PLXDC1: variants seen among roughly 807,000 people sequenced by gnomAD.
The protein encoded by PLXDC1 is plexin domain-containing protein 1.
A neutral mutation model predicts 61.3 loss-of-function variants in PLXDC1; 39 were observed. The ratio of observed to expected loss-of-function variants is 0.64; its 90% confidence interval spans 0.49 to 0.83. PLXDC1 has a LOEUF of 0.83. PLXDC1 is among the 40% of genes least tolerant of loss of function. The pLI is 0.00. For missense variants in PLXDC1, 596 were observed against 666.5 expected, an observed-to-expected ratio of 0.89 and a Z score of 1.17; for synonymous variants, 212 against 254.5, an observed-to-expected ratio of 0.83 and a Z score of 1.59.
At chr17:39,115,489 C>A (rs945328740) in intron 2 of PLXDC1, among the ~76,000 whole-genome samples, 1 of 152,228 alleles carries the variant, frequency 6.6e-6, no homozygotes, top group African/African-American at 2.4e-5. Context: ...GACTGCCCTC[C>A]TGGCACACCT....
intron 2 of PLXDC1, among the ~76,000 whole-genome samples, chr17:39,120,734 G>A (rs933328071): frequency 6.0e-5 from 9 of 149,454 alleles, no homozygotes; most frequent in Admixed American, 1.3e-4. Context: ...TGGGATCACA[G>A]GCATATGCCA....
intron 8 of PLXDC1, among the ~76,000 whole-genome samples, chr17:39,085,515 C>T (rs895451120): frequency 3.3e-5 from 5 of 152,158 alleles, no homozygotes; most frequent in Admixed American, 1.3e-4. Flanking sequence ...GTGGAGCTGA[C>T]AGTGAGAGGT....
chr17:39,138,984 GA>G (rs1441054215), intron 2 of PLXDC1, among the ~76,000 whole-genome samples: 1 of 151,978 alleles, frequency 6.6e-6, no homozygotes, highest in Non-Finnish European at 1.5e-5. Context: ...ACACAGGTGC[GA>G]ACCCAGCGTC....
At chr17:39,088,943 G>GAAAAAAAAAAAAAAAAAAAAAAAAA (rs56714275) in intron 7 of PLXDC1, among the ~76,000 whole-genome samples, 1 of 63,914 alleles carries the variant, frequency 1.6e-5, no homozygotes, top group Admixed American at 2.0e-4. Context: ...GAGCAAGACT[G>GAAAAAAAAAAAAAAAAAAAAAAAAA]AAAAAAAAAA....
intron 9 of PLXDC1, chr17:39,080,760 G>A (rs1909527175): frequency 6.6e-6 from 1 of 152,422 alleles, no homozygotes; most frequent in Admixed American, 6.5e-5. Flanking sequence ...CCCAGGTGGA[G>A]TTTCTCTGTG....
intron 2 of PLXDC1, among the ~76,000 whole-genome samples, chr17:39,124,180 T>A (rs1457103344): frequency 6.6e-6 from 1 of 152,244 alleles, no homozygotes; most frequent in East Asian, 1.9e-4. Context: ...AATCGGCATC[T>A]GCCTTTGGAA....
At position 39,086,878 on chromosome 17, in the gene PLXDC1, A is replaced by AAAG. The variant is rs1163327087; in HGVS notation, c.907+726_907+728dup. On this transcript the variant is annotated intron_variant, in intron 8 of 13. Transcript: ENST00000315392. ...CTGTCTCAAAAAAAAAAAAAAAAAA[A>AAAG]AAGAAGAAGAAAAAGAAGAAATGCC... 8.6e-5 allele frequency among the ~76,000 whole-genome samples: 13 copies of AAAG among 150,858 alleles called. No individual in the cohort carries two copies. The East Asian group carries it at 2.0e-3, about 23-fold the overall frequency.
rs11448360 is a variant in PLXDC1, at chr17:39,112,457, CTTTTTTTTTTT to C, written c.256-3077_256-3067del. 7.4e-5 allele frequency among the ~76,000 whole-genome samples: 9 copies of C among 121,114 alleles called. No individual in the cohort carries two copies. In the Admixed American group the frequency reaches 8.7e-4, roughly 12 times the overall value. 79.5% of individuals were successfully genotyped at this position (121,114 alleles called of 152,430 possible). ...ATTCAGCCCATCTTTTTTTTTCTTT[CTTTTTTTTTTT>C]TTTTTTTGAGACGGAGTCTTGCTCT... is the stretch of plus-strand genomic sequence containing the variant. On this transcript the variant is annotated intron_variant, in intron 2 of 13. Coordinates refer to ENST00000315392, the MANE Select transcript of PLXDC1 (RefSeq NM_020405.5).
chr17:39,069,262 C>T (rs1033697314), intron 13 of PLXDC1, among the ~76,000 whole-genome samples: 1 of 152,096 alleles, frequency 6.6e-6, no homozygotes, highest in African/African-American at 2.4e-5. Context: ...CGTGCCACCA[C>T]GCTGGGCTAA....
At chr17:39,079,550 G>A (rs1325330159) in intron 9 of PLXDC1, 1 of 457,786 alleles carries the variant, frequency 2.2e-6, no homozygotes, top group East Asian at 6.9e-5. Flanking sequence ...AAAGAGAGTA[G>A]GGCTAAAGGT....
intron 7 of PLXDC1, among the ~76,000 whole-genome samples, chr17:39,098,088 A>G (rs929109921): frequency 8.3e-5 from 12 of 144,032 alleles, no homozygotes; most frequent in African/African-American, 2.9e-4. Context: ...ACCTATAATC[A>G]CAGCTACTCC....
At chr17:39,145,239 T>A (rs904584412) in intron 1 of PLXDC1, among the ~76,000 whole-genome samples, 5 of 152,162 alleles carry the variant, frequency 3.3e-5, no homozygotes, top group Non-Finnish European at 7.4e-5. Flanking sequence ...CCTGAGAGCT[T>A]CCCTGGGAGA....
intron 1 of PLXDC1, among the ~76,000 whole-genome samples, chr17:39,148,391 T>A (rs2045354396): frequency 6.8e-6 from 1 of 147,192 alleles, no homozygotes. Context: ...TAATTTTAAT[T>A]TTTTTTTTTG....
chr17:39,139,651 C>T lies in PLXDC1; in HGVS notation c.255+3G>A. 1 of 1,609,108 alleles carries T rather than the reference C, an allele frequency of 6.2e-7. No individual in the cohort carries two copies. The highest frequency in any genetic ancestry group is 8.5e-7 in the Non-Finnish European group (1 of 1,177,154). On this transcript the variant is annotated splice_donor_region_variant and intron_variant, in intron 2 of 13. Transcript: ENST00000315392. ...TCCCCCTCCATGTTCCTCCAGCACTCACCACCACCCTGGTCCTGTTATCTG... is the reference window on the plus strand; with the variant it reads ...TCCCCCTCCATGTTCCTCCAGCACTTACCACCACCCTGGTCCTGTTATCTG...
chr17:39,119,620 C>T (rs762929620), intron 2 of PLXDC1, among the ~76,000 whole-genome samples: 3 of 151,964 alleles, frequency 2.0e-5, no homozygotes, highest in African/African-American at 4.8e-5. Flanking sequence ...ATGGCGTGCT[C>T]CCATAGTCCG....
rs548366347 is a variant in PLXDC1 at position 39,122,308 on chromosome 17, G to A, written c.256-12917C>T. ...TAATCCCAGCTACTCAGGAGGCTGAGGCAGGAGAATCACTTCAGCCAAATC... is the reference window on the plus strand; with the variant it reads ...TAATCCCAGCTACTCAGGAGGCTGAAGCAGGAGAATCACTTCAGCCAAATC... On this transcript the variant is annotated intron_variant, in intron 2 of 13. Coordinates refer to ENST00000315392, the MANE Select transcript of PLXDC1 (RefSeq NM_020405.5). Among the ~76,000 whole-genome samples the A allele has an allele frequency of 8.2e-4, 122 of 149,146 alleles. 1 individual carries two copies. The highest frequency in any genetic ancestry group is 2.6e-3 in the African/African-American group (103 of 40,328).
chr17:39,110,850 G>A (rs957478790), intron 2 of PLXDC1, among the ~76,000 whole-genome samples: 1 of 152,170 alleles, frequency 6.6e-6, no homozygotes, highest in Non-Finnish European at 1.5e-5. Flanking sequence ...GCTGGGGGAC[G>A]ATGAGCGGAA....
intron 7 of PLXDC1, among the ~76,000 whole-genome samples, chr17:39,089,059 A>G (rs1275503657): frequency 2.6e-5 from 4 of 152,052 alleles, no homozygotes; most frequent in Non-Finnish European, 5.9e-5. Flanking sequence ...AAAGAATAAG[A>G]AGCAGACAGC....
chr17:39,121,396 A>G (rs1382443604), intron 2 of PLXDC1, among the ~76,000 whole-genome samples: 1 of 152,200 alleles, frequency 6.6e-6, no homozygotes, highest in African/African-American at 2.4e-5. Context: ...TGTTTTCTCC[A>G]GGCTGCAATC....
Sources: gnomAD v4.1 joint callset for allele counts (sites outside exome capture counted in the v4.1 genomes callset) on GRCh38, gnomAD v4.1.1 for gene constraint, MANE v1.5 for transcripts, NCBI Gene and HGNC (gene_info 2026-07-23, HGNC 2026-07-21) for gene names.